The following ST8SIA4 variants were observed in gnomAD, a reference collection of about 807,000 sequenced individuals.
ST8SIA4 encodes the protein ST8 alpha-N-acetyl-neuraminide alpha-2,8-sialyltransferase 4, also known as CMP-N-acetylneuraminate-poly-alpha-2,8-sialyltransferase.
A neutral mutation model predicts 33.9 loss-of-function variants in ST8SIA4; 15 were observed. That is an observed-to-expected ratio of 0.44 (90% CI 0.30 to 0.68). The LOEUF (loss-of-function observed/expected upper bound fraction) is 0.68, where lower values mean the gene tolerates loss of function less well. ST8SIA4 is among the 30% of genes least tolerant of loss of function. The pLI, the probability that ST8SIA4 is intolerant of heterozygous loss-of-function variation, is 0.10. For synonymous variants in ST8SIA4, 171 were observed against 151.2 expected (o/e 1.13, Z -0.96); for missense variants, 321 against 428.0 (o/e 0.75, Z 2.21).
chr5:100,896,466 C>A (rs1282182759), intron 1 of ST8SIA4, among the ~76,000 whole-genome samples: 1 of 151,936 alleles, frequency 6.6e-6, no homozygotes, highest in Non-Finnish European at 1.5e-5. Flanking sequence ...AGAAATTGGT[C>A]AATAGGTACA....
intron 2 of ST8SIA4, among the ~76,000 whole-genome samples, 171 bp from the exon 3 acceptor site, chr5:100,886,771 T>A (rs558494509): frequency 1.2e-4 from 18 of 152,242 alleles, no homozygotes; most frequent in African/African-American, 4.1e-4. Flanking sequence ...ATGAATTAAG[T>A]CGATTCTATA....
At chr5:100,893,407 A>G (rs1187981987) in intron 2 of ST8SIA4, among the ~76,000 whole-genome samples, 1 of 152,106 alleles carries the variant, frequency 6.6e-6, no homozygotes, top group Non-Finnish European at 1.5e-5. Flanking sequence ...ACATTTGTTC[A>G]TTGTTTTATT....
chr5:100,829,726 G>C (rs1399848484), intron 4 of ST8SIA4, among the ~76,000 whole-genome samples: 1 of 152,020 alleles, frequency 6.6e-6, no homozygotes, highest in Non-Finnish European at 1.5e-5. Flanking sequence ...TGGCTAACAC[G>C]GTGAAACCCC....
intron 2 of ST8SIA4, among the ~76,000 whole-genome samples, chr5:100,892,440 G>A (rs1752692449): frequency 6.6e-6 from 1 of 152,120 alleles, no homozygotes; most frequent in Non-Finnish European, 1.5e-5. Context: ...AAAGTACAGT[G>A]AAGTAACAGA....
At chr5:100,894,580 T>C (rs1341299703) in intron 2 of ST8SIA4, among the ~76,000 whole-genome samples, 1 of 152,096 alleles carries the variant, frequency 6.6e-6, no homozygotes, top group African/African-American at 2.4e-5. Flanking sequence ...CTGATGCCCA[T>C]ATTTTTAAAA....
At chr5:100,817,936 G>T (rs1750963309) in intron 4 of ST8SIA4, among the ~76,000 whole-genome samples, 1 of 152,152 alleles carries the variant, frequency 6.6e-6, no homozygotes, top group Non-Finnish European at 1.5e-5. Context: ...CTAAGAGGTA[G>T]CAATAAGAAT....
rs1347743193 is a variant in ST8SIA4 at position 100,809,456 on chromosome 5, A to T, written c.*2391T>A. On this transcript the variant is annotated 3_prime_UTR_variant, in exon 5 of 5. Coordinates refer to ENST00000231461, the MANE Select transcript of ST8SIA4 (RefSeq NM_005668.6). ...CAGAGTGAGACTCCATCTCAAAAAA[A>T]AAAAAAAAAGAAAAAAGAAAAAGGA... 6.6e-6 allele frequency: 1 copy of T among 150,660 alleles called. No individual in the cohort carries two copies. The highest frequency in any genetic ancestry group is 1.5e-5 in the Non-Finnish European group (1 of 68,052). The allele number at this position is 150,660 out of a possible 1,614,324, so 9.3% of individuals were successfully genotyped here.
intron 4 of ST8SIA4, among the ~76,000 whole-genome samples, chr5:100,832,384 T>C (rs113823583): frequency 3.3e-5 from 5 of 152,254 alleles, no homozygotes; most frequent in African/African-American, 1.2e-4. Flanking sequence ...GCAGATGTTT[T>C]GTTATTGAAG....
rs531373739 is a variant in ST8SIA4 at position 100,807,464 on chromosome 5, C to T, written c.*4383G>A. 8.5e-5 allele frequency: 13 copies of T among 152,456 alleles called. No individual in the cohort carries two copies. The highest frequency in any genetic ancestry group is 2.1e-4 in the South Asian group (1 of 4,824). The allele number at this position is 152,456 out of a possible 1,614,324, so 9.4% of individuals were successfully genotyped here. On this transcript the variant is annotated 3_prime_UTR_variant, in exon 5 of 5. Coordinates refer to ENST00000231461, the MANE Select transcript of ST8SIA4 (RefSeq NM_005668.6). The stretch of plus-strand genomic sequence containing the variant: ...TTGTGCTTTTGCCTACACAAAGAAA[C>T]GGTTTTTATTAAAAGGTGCTACTTA...
At chr5:100,836,182 G>A (rs765016776) in intron 4 of ST8SIA4, among the ~76,000 whole-genome samples, 3 of 151,994 alleles carry the variant, frequency 2.0e-5, no homozygotes, top group Non-Finnish European at 4.4e-5. Flanking sequence ...AATGTGCCAG[G>A]CACTGTTCTA....
chr5:100,857,137 A>T (rs931273355), intron 3 of ST8SIA4, among the ~76,000 whole-genome samples: 4 of 152,102 alleles, frequency 2.6e-5, no homozygotes, highest in African/African-American at 7.2e-5. Context: ...TGGGGAATGC[A>T]TATGTAGGGA....
chr5:100,840,954 C>T (rs1180788540), intron 4 of ST8SIA4, among the ~76,000 whole-genome samples: 1 of 151,784 alleles, frequency 6.6e-6, no homozygotes, highest in Non-Finnish European at 1.5e-5. Flanking sequence ...CAGTATGCCT[C>T]CTCATTATCA....
chr5:100,849,237 AG>A (rs1479830859), intron 4 of ST8SIA4: 2 of 985,206 alleles, frequency 2.0e-6, no homozygotes, highest in African/African-American at 3.5e-5. Context: ...TAGAGCCCAA[AG>A]GAATCTATAC....
intron 3 of ST8SIA4, among the ~76,000 whole-genome samples, chr5:100,880,056 T>G (rs1314284194): frequency 6.6e-6 from 1 of 152,104 alleles, no homozygotes; most frequent in Admixed American, 6.6e-5. Context: ...AAGACCATGA[T>G]AGAACACTTT....
chr5:100,893,024 TAAAC>T (rs1752707526), intron 2 of ST8SIA4, among the ~76,000 whole-genome samples: 1 of 151,768 alleles, frequency 6.6e-6, no homozygotes, highest in South Asian at 2.1e-4. Flanking sequence ...AAAATAAAAA[TAAAC>T]AAAAACTTAA....
intron 4 of ST8SIA4, among the ~76,000 whole-genome samples, chr5:100,838,859 T>G (rs757889211): frequency 6.6e-6 from 1 of 152,020 alleles, no homozygotes; most frequent in Non-Finnish European, 1.5e-5. Context: ...AAAATAAAAT[T>G]GCTACTGGGT....
At chr5:100,879,035 T>G (rs1752363244) in intron 3 of ST8SIA4, among the ~76,000 whole-genome samples, 1 of 152,212 alleles carries the variant, frequency 6.6e-6, no homozygotes. Context: ...TACAACATTC[T>G]AACTTCTATT....
intron 4 of ST8SIA4, among the ~76,000 whole-genome samples, chr5:100,812,591 C>T (rs944156053): frequency 2.6e-5 from 4 of 151,988 alleles, no homozygotes; most frequent in Admixed American, 2.6e-4. Context: ...GAAATAAATG[C>T]TTTATCTATG....
chr5:100,892,330 A>G (rs1224535472), intron 2 of ST8SIA4, among the ~76,000 whole-genome samples: 2 of 152,154 alleles, frequency 1.3e-5, no homozygotes, highest in African/African-American at 4.8e-5. Context: ...ATAATAAAGA[A>G]CAAACTTTTA....
Sources: gnomAD v4.1 joint callset for allele counts (sites outside exome capture counted in the v4.1 genomes callset) on GRCh38, gnomAD v4.1.1 for gene constraint, MANE v1.5 for transcripts, NCBI Gene and HGNC (gene_info 2026-07-23, HGNC 2026-07-21) for gene names.